SEMA3E: variants seen among roughly 807,000 people sequenced by gnomAD.
The protein encoded by SEMA3E is semaphorin 3E, also known as semaphorin-3E.
Under a neutral mutation model 93.6 loss-of-function variants are expected in SEMA3E, and 49 were observed. That is an observed-to-expected ratio of 0.52 (90% CI 0.42 to 0.66). The LOEUF (loss-of-function observed/expected upper bound fraction) is 0.66, where lower values mean the gene tolerates loss of function less well. Ranked by LOEUF, SEMA3E falls within the 30% of genes least tolerant of loss-of-function variation. The probability of loss-of-function intolerance (pLI) is 0.00; values close to 1 mark genes in which losing one functional copy is unlikely to be tolerated. For synonymous variants in SEMA3E, 363 were observed against 330.7 expected, an observed-to-expected ratio of 1.10 and a Z score of -1.06; for missense variants, 906 against 964.8, an observed-to-expected ratio of 0.94 and a Z score of 0.81.
chr7:83,525,515 AT>A (rs1791137613), intron 1 of SEMA3E, among the ~76,000 whole-genome samples: 1 of 144,566 alleles, frequency 6.9e-6, no homozygotes, highest in Non-Finnish European at 1.5e-5. Context: ...GTGACCTCAG[AT>A]TTTCTTGTTT....
intron 1 of SEMA3E, among the ~76,000 whole-genome samples, chr7:83,520,905 A>G (rs920299524): frequency 6.6e-6 from 1 of 152,182 alleles, no homozygotes; most frequent in East Asian, 1.9e-4. Context: ...CTGGCTCCCA[A>G]TAGCAATCTG....
At chr7:83,449,541 G>A (rs1307264529) in intron 4 of SEMA3E, among the ~76,000 whole-genome samples, 1 of 151,668 alleles carries the variant, frequency 6.6e-6, no homozygotes, top group African/African-American at 2.4e-5. Context: ...CCTTATAACA[G>A]ATCTAAACTA....
At chr7:83,587,328 G>T (rs1243572952) in intron 1 of SEMA3E, among the ~76,000 whole-genome samples, 1 of 152,046 alleles carries the variant, frequency 6.6e-6, no homozygotes, top group African/African-American at 2.4e-5. Flanking sequence ...AGAATATAGG[G>T]AATATAAATA....
chr7:83,582,305 G>A (rs215299), intron 1 of SEMA3E, among the ~76,000 whole-genome samples: 79,258 of 150,696 alleles, frequency 0.53, 21,368 homozygotes, highest in Middle Eastern at 0.68. Flanking sequence ...TAATAAAATA[G>A]CAGAAAATTA....
At chr7:83,502,033 A>G (rs749676116) in intron 1 of SEMA3E, among the ~76,000 whole-genome samples, 1 of 152,194 alleles carries the variant, frequency 6.6e-6, no homozygotes, top group Non-Finnish European at 1.5e-5. Flanking sequence ...TTAGCAAATT[A>G]ACAATATGGT....
chr7:83,368,949 T>C (rs1794714911), intron 16 of SEMA3E, among the ~76,000 whole-genome samples: 1 of 152,174 alleles, frequency 6.6e-6, no homozygotes, highest in Non-Finnish European at 1.5e-5. Flanking sequence ...TTGCCTTAGT[T>C]TTCTTTGTAA....
intron 16 of SEMA3E, among the ~76,000 whole-genome samples, chr7:83,380,637 T>C (rs1584204331): frequency 6.6e-6 from 1 of 152,068 alleles, no homozygotes; most frequent in East Asian, 1.9e-4. Context: ...CCCTACCCAA[T>C]CTCTTGGTTG....
intron 16 of SEMA3E, among the ~76,000 whole-genome samples, chr7:83,376,671 A>G (rs1794827494): frequency 6.6e-6 from 1 of 152,054 alleles, no homozygotes; most frequent in African/African-American, 2.4e-5. Context: ...AGTAAAACAA[A>G]AAATTTATAG....
intron 1 of SEMA3E, among the ~76,000 whole-genome samples, chr7:83,584,549 T>C (rs1792581600): frequency 1.3e-5 from 2 of 152,172 alleles, no homozygotes; most frequent in Non-Finnish European, 2.9e-5. Flanking sequence ...TGGTGTTGGA[T>C]GCTGTCTCAG....
chr7:83,507,422 C>CTTTG (rs1491470723), intron 1 of SEMA3E, among the ~76,000 whole-genome samples: 3 of 102,350 alleles, frequency 2.9e-5, no homozygotes, highest in Admixed American at 1.1e-4. Flanking sequence ...CAAAACAGAA[C>CTTTG]TCTGTGTGTG....
intron 11 of SEMA3E, among the ~76,000 whole-genome samples, chr7:83,397,447 C>T (rs1462896604): frequency 2.0e-5 from 3 of 152,018 alleles, no homozygotes; most frequent in African/African-American, 7.2e-5. Context: ...ATATTCCAAG[C>T]AACACACTGT....
chr7:83,551,989 C>T (rs949627873), intron 1 of SEMA3E, among the ~76,000 whole-genome samples: 1 of 152,148 alleles, frequency 6.6e-6, no homozygotes, highest in African/African-American at 2.4e-5. Context: ...TTTTAATTGT[C>T]ACAATGTCTT....
At position 83,400,022 on chromosome 7, in the gene SEMA3E, CTT is replaced by C. The variant is rs1317120499; in HGVS notation, c.1366+4_1366+5del. On this transcript the variant is annotated splice_donor_5th_base_variant and intron_variant, in intron 11 of 16. Transcript: ENST00000643230. ...AATATCTCTGAGTACTTTCTCGTCT[CTT>C]TACCTGTCCCAATAAACAAGACGTC... 1.9e-6 allele frequency: 3 copies of C among 1,599,840 alleles called. No individual in the cohort carries two copies. Among genetic ancestry groups the C allele is most frequent in the East Asian group, 2.2e-5 (1 of 44,808 alleles).
At chr7:83,396,041 A>ATGTGTGTGTGTGTG (rs3043167) in intron 12 of SEMA3E, among the ~76,000 whole-genome samples, 1 of 149,010 alleles carries the variant, frequency 6.7e-6, no homozygotes, top group East Asian at 2.0e-4. Flanking sequence ...ATACGACTTG[A>ATGTGTGTGTGTGTG]TGTGTGTGTG....
chr7:83,370,791 T>G (rs537051776), intron 16 of SEMA3E, among the ~76,000 whole-genome samples: 35 of 152,194 alleles, frequency 2.3e-4, no homozygotes, highest in Non-Finnish European at 4.4e-4. Context: ...TACAAGTATC[T>G]AACAATAGTC....
At chr7:83,481,834 ATTATTC>A (rs1184966612) in intron 2 of SEMA3E, among the ~76,000 whole-genome samples, 5 of 152,168 alleles carry the variant, frequency 3.3e-5, no homozygotes, top group African/African-American at 1.2e-4. Flanking sequence ...GTATGGAAAA[ATTATTC>A]TTATAAGTGT....
At chr7:83,440,466 G>A (rs1475092367) in intron 4 of SEMA3E, among the ~76,000 whole-genome samples, 1 of 152,122 alleles carries the variant, frequency 6.6e-6, no homozygotes, top group Non-Finnish European at 1.5e-5. Flanking sequence ...TTATTGTGTT[G>A]TTACTACATC....
At chr7:83,589,943 T>C (rs555324355) in intron 1 of SEMA3E, among the ~76,000 whole-genome samples, 2 of 152,282 alleles carry the variant, frequency 1.3e-5, no homozygotes, top group Admixed American at 6.5e-5. Context: ...TGTCCAGGGA[T>C]AGACTTCTCA....
At chr7:83,572,766 G>A (rs1235247392) in intron 1 of SEMA3E, among the ~76,000 whole-genome samples, 2 of 152,074 alleles carry the variant, frequency 1.3e-5, no homozygotes, top group African/African-American at 4.8e-5. Flanking sequence ...ACAAAAATAA[G>A]CAACGGGGAA....
Sources: allele counts gnomAD v4.1 joint callset (sites outside exome capture counted in the v4.1 genomes callset), GRCh38; gene constraint gnomAD v4.1.1; transcripts MANE v1.5; gene names NCBI Gene and HGNC (gene_info 2026-07-23, HGNC 2026-07-21).